Variants in PEX6 observed in about 807,000 individuals in gnomAD.
PEX6 encodes peroxisomal biogenesis factor 6.
In PEX6, 55 loss-of-function variants were observed where a neutral mutation model predicts 85.6. The ratio of observed to expected loss-of-function variants is 0.64; its 90% CI spans 0.52 to 0.80. The LOEUF (loss-of-function observed/expected upper bound fraction) is 0.80. PEX6 is among the 30% of genes least tolerant of loss of function. The pLI is 0.00. For missense variants in PEX6, 1,099 were observed against 1,260.3 expected, an observed-to-expected ratio of 0.87 and a Z score of 1.94; for synonymous variants, 519 against 549.1, an observed-to-expected ratio of 0.95 and a Z score of 0.77.
intron 1 of PEX6, among the ~76,000 whole-genome samples, chr6:42,976,724 C>T (rs1395148110): frequency 6.6e-6 from 1 of 151,700 alleles, no homozygotes; most frequent in African/African-American, 2.4e-5. Context: ...TTATGGCGAA[C>T]TGGTGAGTCT....
rs1196802503 is a variant in PEX6, at chr6:42,966,513, C to A, written c.2094+12G>T. On this transcript the variant is annotated intron_variant, in intron 10 of 16. Transcript: ENST00000304611. Reference sequence around the variant, plus strand: ...GGGGCTCCTGTCCCACCTCCAAGGACTTGGTCTCCACCTTGGGGGCTCCAA... The same window carrying A: ...GGGGCTCCTGTCCCACCTCCAAGGAATTGGTCTCCACCTTGGGGGCTCCAA... The A allele has an allele frequency of 6.2e-7, 1 of 1,614,046 alleles. No individual in the cohort carries two copies. The highest frequency in any genetic ancestry group is 8.5e-7 in the Non-Finnish European group (1 of 1,180,034).
chr6:42,974,832 T>A (rs976137503), intron 2 of PEX6, 43 bp downstream of exon 2: 9 of 1,559,246 alleles, frequency 5.8e-6, no homozygotes, highest in Non-Finnish European at 7.1e-6. Context: ...AGGAATGTAA[T>A]GAGGGTGAGA....
chr6:42,969,364 G>C (rs1769974380), intron 5 of PEX6, among the ~76,000 whole-genome samples: 1 of 152,208 alleles, frequency 6.6e-6, no homozygotes, highest in Non-Finnish European at 1.5e-5. Context: ...GGCCAGGGCA[G>C]TAAAGTGCAG....
At position 42,978,892 on chromosome 6, in the gene PEX6, C is replaced by A; in HGVS notation, c.259G>T (p.Gly87Cys). 1 of 1,491,114 alleles carries A rather than the reference C, an allele frequency of 6.7e-7. No homozygotes were observed. Among genetic ancestry groups the A allele is most frequent in the Non-Finnish European group, 8.9e-7 (1 of 1,129,106 alleles). 92.4% of individuals were successfully genotyped at this position (1,491,114 alleles called of 1,614,324 possible). A position where few individuals can be genotyped will look rare whatever the true frequency, so the allele number is the denominator to read the frequency against. The change falls in exon 1 of 17, where the codon GGC becomes TGC. Residue 87 changes from glycine (G) to cysteine (C), a missense_variant. This residue lies in a region of PEX6 where 579 missense variants were observed against 611.6 expected (regional missense o/e 0.95). Transcript: ENST00000304611. ...CGCGCCCGCACCCAGGCCCCGGAGCCCAGTGCCAGGAGCCGCAGCAGCGCG... is the reference window on the plus strand; with the variant it reads ...CGCGCCCGCACCCAGGCCCCGGAGCACAGTGCCAGGAGCCGCAGCAGCGCG... ...SRALLRLLAL[G>C]SGAWVRARAV...
Position 42,969,980 on chromosome 6 carries a change from C to T in PEX6, c.1138G>A (p.Glu380Lys), listed in dbSNP as rs867094266. The T allele has an allele frequency of 4.3e-6, 7 of 1,614,058 alleles. No individual in the cohort carries two copies. The African/African-American group carries it at 8.0e-5, about 18-fold the overall frequency. ...GSPEKLPRWR[E>K]MFFKVKKTVG... ...GTTTTCTTCACTTTAAAAAACATTT[C>T]CCGCCACCTGCAGGAAAAAGGCCCA... Residue 380 changes from glutamate (E) to lysine (K), a missense_variant, in exon 4 of 17, where the codon GAA (glutamate) becomes AAA (lysine). This residue lies in a region of PEX6 where 579 missense variants were observed against 611.6 expected (regional missense o/e 0.95). Transcript: ENST00000304611.
chr6:42,965,005 G>A lies in PEX6; in HGVS notation c.2666+70C>T. Reference sequence around the variant, plus strand: ...AAGCCAGTGCTGACCAGCTCATCCTGCATGTTGCATGCATCCCCTAAGCAT... The same window carrying A: ...AAGCCAGTGCTGACCAGCTCATCCTACATGTTGCATGCATCCCCTAAGCAT... On this transcript the variant is annotated intron_variant, in intron 15 of 16. Coordinates refer to ENST00000304611, the MANE Select transcript of PEX6 (RefSeq NM_000287.4). The surrounding 1 kb of genome is among the most constrained non-coding windows in gnomAD (Gnocchi z 5.0). 4 of 1,611,058 alleles carry A rather than the reference G, an allele frequency of 2.5e-6. No homozygotes were observed. Among genetic ancestry groups the A allele is most frequent in the Non-Finnish European group, 3.4e-6 (4 of 1,177,184 alleles).
chr6:42,974,507 G>C (rs146470876), intron 2 of PEX6, among the ~76,000 whole-genome samples: 1 of 130,358 alleles, frequency 7.7e-6, no homozygotes, highest in African/African-American at 2.8e-5. Context: ...GCCCAGGCTA[G>C]AGTGCAGTGG....
At chr6:42,970,033 C>G (rs1218146614) in intron 3 of PEX6, 46 bp from the exon 4 acceptor site, 1 of 1,457,278 alleles carries the variant, frequency 6.9e-7, no homozygotes, top group South Asian at 1.1e-5. Context: ...AGTCCAAAAA[C>G]CCCCCTCCTC....
intron 1 of PEX6, 132 bp downstream of exon 1, chr6:42,978,137 G>T: frequency 1.8e-6 from 2 of 1,140,080 alleles, no homozygotes; most frequent in Non-Finnish European, 1.3e-6. Context: ...GAGTCACCGC[G>T]CCCGGCTAGA....
chr6:42,972,405 T>C (rs1328904278), intron 3 of PEX6, among the ~76,000 whole-genome samples: 1 of 152,212 alleles, frequency 6.6e-6, no homozygotes, highest in African/African-American at 2.4e-5. Context: ...ATTCCTTATT[T>C]TGGGTTCTTG....
At chr6:42,974,444 T>TTTTTTTG (rs1770188747) in intron 2 of PEX6, among the ~76,000 whole-genome samples, 2 of 87,302 alleles carry the variant, frequency 2.3e-5, no homozygotes, top group Admixed American at 2.1e-4. Flanking sequence ...TCTGAAATGT[T>TTTTTTTG]TTTTTTGTTT....
chr6:42,978,972 G>C lies in PEX6; in HGVS notation c.179C>G (p.Pro60Arg). 1 of 1,500,298 alleles carries C rather than the reference G, an allele frequency of 6.7e-7. No homozygotes were observed. Among genetic ancestry groups the C allele is most frequent in the Non-Finnish European group, 8.8e-7 (1 of 1,133,154 alleles). The allele number at this position is 1,500,298 out of a possible 1,614,324, so 92.9% of individuals were successfully genotyped here. Residue 60 changes from proline (P) to arginine (R), a missense_variant, in exon 1 of 17, where the codon CCG becomes CGG. Physicochemically the swap from Pro to Arg is moderately radical, Grantham distance 103. This residue lies in a region of PEX6 where 579 missense variants were observed against 611.6 expected (regional missense o/e 0.95). Coordinates refer to ENST00000304611, the MANE Select transcript of PEX6 (RefSeq NM_000287.4). ...ACCCTGCTCTTCGGTGCCCGCGTCC[G>C]GCCCCTCCAGGGCTGCCACCAGCAG... ...PALLVAALEGPDAGTEEQGPG... is the reference protein window; with the variant it reads ...PALLVAALEGRDAGTEEQGPG...
rs1655650758 is a variant in PEX6, at chr6:42,968,814, A to G, written c.1479+60T>C. The G allele has an allele frequency of 4.9e-6, 6 of 1,225,172 alleles. No individual in the cohort carries two copies. The East Asian group carries it at 1.4e-4, about 28-fold the overall frequency. The allele number at this position is 1,225,172 out of a possible 1,614,324, so 75.9% of individuals were successfully genotyped here. A position where few individuals can be genotyped will look rare whatever the true frequency, so the allele number is the denominator to read the frequency against. ...AGGGAGGGGAGAGGAAGCAGCAGAG[A>G]GGGAGAACATGAGCTGGGGAGGGGA... On this transcript the variant is annotated intron_variant, in intron 6 of 16. Transcript: ENST00000304611.
chr6:42,978,931 GCTGCGGCGGCCCGGGACC>G lies in PEX6; in HGVS notation c.202_219del (p.Gly68_Gln73del), dbSNP rs1162020526. The G allele has an allele frequency of 8.1e-6, 12 of 1,489,118 alleles. No homozygotes were observed. The highest frequency in any genetic ancestry group is 1.8e-6 in the Non-Finnish European group (2 of 1,128,050). 92.2% of individuals were successfully genotyped at this position (1,489,118 alleles called of 1,614,324 possible). A position where few individuals can be genotyped will look rare whatever the true frequency, so the allele number is the denominator to read the frequency against. Reference sequence around the variant, plus strand: ...CGCAGCAGCGCGCGGCTAACCAGTAGCTGCGGCGGCCCGGGACCCTGCTCTTCGGTGCCCGCGTCCGGC... The same window carrying G: ...CGCAGCAGCGCGCGGCTAACCAGTAGCTGCTCTTCGGTGCCCGCGTCCGGC... On this transcript the variant is annotated inframe_deletion, in exon 1 of 17. Coordinates refer to ENST00000304611, the MANE Select transcript of PEX6 (RefSeq NM_000287.4).
chr6:42,973,634 C>T (rs1443277576), intron 3 of PEX6, among the ~76,000 whole-genome samples: 1 of 152,118 alleles, frequency 6.6e-6, no homozygotes, highest in East Asian at 1.9e-4. Context: ...AGGCAGATCA[C>T]TTGAGCTCAA....
At position 42,968,807 on chromosome 6, in the gene PEX6, AG is replaced by A. The variant is rs201782052; in HGVS notation, c.1479+66del. ...ACAGAGGAGGGAGGGGAGAGGAAGC[AG>A]CAGAGAGGGAGAACATGAGCTGGGG... On this transcript the variant is annotated intron_variant, in intron 6 of 16. Coordinates refer to ENST00000304611, the MANE Select transcript of PEX6 (RefSeq NM_000287.4). 1.9e-3 allele frequency: 2,252 copies of A among 1,169,514 alleles called. 29 individuals are homozygous for A. In the African/African-American group the frequency reaches 0.03, roughly 15 times the overall value. The allele number at this position is 1,169,514 out of a possible 1,614,324, so 72.4% of individuals were successfully genotyped here. A position where few individuals can be genotyped will look rare whatever the true frequency, so the allele number is the denominator to read the frequency against.
At position 42,966,802 on chromosome 6, in the gene PEX6, G is replaced by T. The variant is rs781475201; in HGVS notation, c.1941C>A (p.Cys647Ter). Residue 647 changes from cysteine to a stop codon, truncating the protein, a stop_gained, in exon 9 of 17, where the codon TGC becomes TGA. Coordinates refer to ENST00000304611, the MANE Select transcript of PEX6 (RefSeq NM_000287.4). LOFTEE classifies it high-confidence loss of function. ...ALLTHSSRAA[C>*]TRIKNSGLAG... The stretch of plus-strand genomic sequence containing the variant: ...CTTACCCTGAGTTCTTGATCCTGGT[G>T]CAGGCTGCCCGGCTGCTGTGGGTCA... The T allele has an allele frequency of 3.5e-5, 56 of 1,613,722 alleles. No individual in the cohort carries two copies. Among genetic ancestry groups the T allele is most frequent in the Non-Finnish European group, 4.7e-5 (55 of 1,180,006 alleles).
At chr6:42,966,717 C>G in intron 9 of PEX6, 60 bp from the exon 10 acceptor site, 1 of 1,613,866 alleles carries the variant, frequency 6.2e-7, no homozygotes, top group Non-Finnish European at 8.5e-7. Flanking sequence ...CTTCTCCCTT[C>G]CTCACCACCC....
At chr6:42,975,060 C>G (rs750905182) in intron 1 of PEX6, 22 bp from the exon 2 acceptor site, 5 of 1,600,076 alleles carry the variant, frequency 3.1e-6, no homozygotes, top group Non-Finnish European at 4.3e-6. Flanking sequence ...ATAACCACCA[C>G]GTTATAACCT....
Sources: allele counts gnomAD v4.1 joint callset (sites outside exome capture counted in the v4.1 genomes callset), GRCh38; gene constraint gnomAD v4.1.1; regional missense constraint gnomAD v4.1.1; non-coding constraint Gnocchi (gnomAD v3.1); transcripts MANE v1.5; gene names NCBI Gene and HGNC (gene_info 2026-07-23, HGNC 2026-07-21).